Variants in SPAST observed in about 807,000 individuals in gnomAD.
SPAST encodes the protein spastic paraplegia 4 (autosomal dominant; spastin).
SPAST carries 30 observed loss-of-function variants against 76.6 expected under a neutral mutation model. The ratio of observed to expected loss-of-function variants is 0.39; its 90% CI spans 0.29 to 0.53. SPAST has a LOEUF of 0.53. Among genes scored for constraint, SPAST ranks in the 20% least tolerant of loss-of-function variants. The probability of loss-of-function intolerance (pLI) is 0.68; values close to 1 mark genes in which losing one functional copy is unlikely to be tolerated. For missense variants in SPAST, 717 were observed against 770.5 expected (o/e 0.93, Z 0.82); for synonymous variants, 305 against 281.0 (o/e 1.09, Z -0.86).
intron 3 of SPAST, among the ~76,000 whole-genome samples, chr2:32,091,245 CTAT>C (rs139735937): frequency 0.095 from 12,036 of 126,618 alleles, 642 homozygotes; most frequent in South Asian, 0.14. Flanking sequence ...TAATATGAAG[CTAT>C]TATTATTATT....
rs77463108 is a variant in SPAST at position 32,096,925 on chromosome 2, G to C, written c.587-1871G>C. ...AGGTATATTGTATCAGCCAGTTCTA[G>C]GATACAAAAGCCATGCAGTACTTTG... On this transcript the variant is annotated intron_variant, in intron 3 of 16. Transcript: ENST00000315285. Among the ~76,000 whole-genome samples the C allele has an allele frequency of 2.0e-4, 31 of 151,830 alleles. No individual in the cohort carries two copies. The East Asian group carries it at 5.4e-3, about 27-fold the overall frequency.
intron 1 of SPAST, among the ~76,000 whole-genome samples, chr2:32,082,180 A>G (rs554024294): frequency 2.3e-4 from 35 of 150,244 alleles, no homozygotes; most frequent in African/African-American, 7.3e-4. Flanking sequence ...TTTAGTAGAG[A>G]TTGGGTTTCA....
At chr2:32,069,551 C>CTTTTTTTTTTTTTTT (rs36023742) in intron 1 of SPAST, among the ~76,000 whole-genome samples, 1 of 139,630 alleles carries the variant, frequency 7.2e-6, no homozygotes. Flanking sequence ...CATGACTTAT[C>CTTTTTTTTTTTTTTT]TTTTTTTTTT....
chr2:32,146,189 T>C (rs1311347191), intron 15 of SPAST, among the ~76,000 whole-genome samples: 1 of 152,188 alleles, frequency 6.6e-6, no homozygotes, highest in African/African-American at 2.4e-5. Context: ...CATAAATGAG[T>C]TGTATTTTCT....
intron 7 of SPAST, among the ~76,000 whole-genome samples, chr2:32,122,479 G>A (rs987891202): frequency 2.6e-5 from 4 of 151,966 alleles, no homozygotes; most frequent in South Asian, 2.1e-4. Flanking sequence ...GCACCACCAC[G>A]CCTGGCTAAT....
At chr2:32,136,084 A>G (rs907545569) in intron 9 of SPAST, among the ~76,000 whole-genome samples, 1 of 152,098 alleles carries the variant, frequency 6.6e-6, no homozygotes, top group African/African-American at 2.4e-5. Flanking sequence ...TCTCAAAAAA[A>G]AAAAGGAAAA....
intron 9 of SPAST, among the ~76,000 whole-genome samples, chr2:32,136,099 A>G (rs1189048624): frequency 6.6e-6 from 1 of 152,140 alleles, no homozygotes; most frequent in Non-Finnish European, 1.5e-5. Flanking sequence ...GGAAAAAAAA[A>G]AAAGAAATTT....
chr2:32,087,394 C>T, intron 1 of SPAST, 98 bp from the exon 2 acceptor site: 1 of 707,014 alleles, frequency 1.4e-6, no homozygotes, highest in Non-Finnish European at 2.5e-6. Context: ...CAGACTTGTT[C>T]ACAACCCTGT....
chr2:32,071,439 C>T lies in SPAST; in HGVS notation c.415+7193C>T, dbSNP rs530932345. Among the ~76,000 whole-genome samples the T allele has an allele frequency of 3.9e-5, 6 of 152,204 alleles. No homozygotes were observed. The East Asian group carries it at 1.2e-3, about 29-fold the overall frequency. On this transcript the variant is annotated intron_variant, in intron 1 of 16. Transcript: ENST00000315285. ...TGCATGTGTGTATTTAAAATAACTT[C>T]GTCAATGAAAAGAGTCAAACTCTGT...
intron 1 of SPAST, among the ~76,000 whole-genome samples, chr2:32,071,734 A>G (rs1295054305): frequency 6.6e-6 from 1 of 152,234 alleles, no homozygotes; most frequent in Non-Finnish European, 1.5e-5. Flanking sequence ...GAGCTTATCT[A>G]AAGTCCTGGA....
chr2:32,148,437 CGAGGTGGG>C (rs1333996313), intron 16 of SPAST, among the ~76,000 whole-genome samples: 4 of 151,634 alleles, frequency 2.6e-5, no homozygotes, highest in African/African-American at 7.3e-5. Context: ...TTTGGGAGGC[CGAGGTGGG>C]CAGATCACTT....
chr2:32,148,517 C>T (rs1269182853), intron 16 of SPAST, among the ~76,000 whole-genome samples: 1 of 142,296 alleles, frequency 7.0e-6, no homozygotes, highest in Non-Finnish European at 1.5e-5. Context: ...ATCAAAAATA[C>T]AAAAAAATTA....
At chr2:32,070,328 A>G (rs756465263) in intron 1 of SPAST, among the ~76,000 whole-genome samples, 5 of 151,888 alleles carry the variant, frequency 3.3e-5, no homozygotes, top group Non-Finnish European at 7.4e-5. Flanking sequence ...TCAGCCTCCC[A>G]AAGTGCTGGG....
In SPAST at chr2:32,155,789, A is replaced by C. The variant is rs1040365378; in HGVS notation, c.*1293A>C. On this transcript the variant is annotated 3_prime_UTR_variant, in exon 17 of 17. Transcript: ENST00000315285. ...ATTTGCCCTTAGTTTACTGGTTAAA[A>C]GTTTGTTTACAGAACTTTTCTCTGG... 1.3e-5 allele frequency: 2 copies of C among 152,546 alleles called. No homozygotes were observed. Among genetic ancestry groups the C allele is most frequent in the African/African-American group, 2.4e-5 (1 of 41,422 alleles). The allele number at this position is 152,546 out of a possible 1,614,324, so 9.4% of individuals were successfully genotyped here.
At chr2:32,065,789 A>G (rs998771521) in intron 1 of SPAST, among the ~76,000 whole-genome samples, 15 of 152,120 alleles carry the variant, frequency 9.9e-5, no homozygotes, top group East Asian at 3.9e-4. Flanking sequence ...TAGAATTTCA[A>G]TCTTGTTGAA....
At chr2:32,115,610 A>G (rs931981442) in intron 5 of SPAST, 92 bp from the exon 6 acceptor site, 6 of 974,830 alleles carry the variant, frequency 6.2e-6, no homozygotes, top group Middle Eastern at 2.6e-4. Context: ...CTATTTTTAA[A>G]GCTTGAATTC....
At chr2:32,150,898 A>G (rs1680061015) in intron 16 of SPAST, among the ~76,000 whole-genome samples, 1 of 151,868 alleles carries the variant, frequency 6.6e-6, no homozygotes, top group South Asian at 2.1e-4. Context: ...TGAGCATCCC[A>G]TTAATTATAT....
rs150270490 is a variant in SPAST, at chr2:32,071,331, A to G, written c.415+7085A>G. On this transcript the variant is annotated intron_variant, in intron 1 of 16. Transcript: ENST00000315285. ...TAAAATTTTTTCTATTCATAGTTTTAAAGGGCTAAAGGGTCAGGCATTGAA... is the reference window on the plus strand; with the variant it reads ...TAAAATTTTTTCTATTCATAGTTTTGAAGGGCTAAAGGGTCAGGCATTGAA... Among the ~76,000 whole-genome samples the G allele has an allele frequency of 2.6e-5, 4 of 152,344 alleles. No individual in the cohort carries two copies. In the East Asian group the frequency reaches 7.7e-4, roughly 29 times the overall value.
intron 2 of SPAST, among the ~76,000 whole-genome samples, chr2:32,087,861 AATTATTATTATTATT>A (rs34216464): frequency 4.2e-5 from 6 of 141,344 alleles, no homozygotes; most frequent in Admixed American, 7.2e-5. Context: ...ATACTTAGCT[AATTATTATTATTATT>A]ATTATTATTA....
Sources: gnomAD v4.1 joint callset for allele counts (sites outside exome capture counted in the v4.1 genomes callset) on GRCh38, gnomAD v4.1.1 for gene constraint, MANE v1.5 for transcripts, NCBI Gene and HGNC (gene_info 2026-07-23, HGNC 2026-07-21) for gene names.